CCDC39: variants seen among roughly 807,000 people sequenced by gnomAD.
CCDC39 encodes coiled-coil domain 39 molecular ruler complex subunit, also known as coiled-coil domain-containing protein 39.
CCDC39 carries 113 observed loss-of-function variants against 121.0 expected under a neutral mutation model. That is an observed-to-expected ratio of 0.93 (90% confidence interval 0.80 to 1.09). The LOEUF is 1.09. Ranked by LOEUF, CCDC39 falls within the 50% of genes least tolerant of loss-of-function variation. The pLI, the probability that CCDC39 is intolerant of heterozygous loss-of-function variation, is 0.00. For synonymous variants in CCDC39, 349 were observed against 352.2 expected (o/e 0.99, Z 0.10); for missense variants, 1,063 against 1,074.7 (o/e 0.99, Z 0.15).
rs1198137880 is a variant in CCDC39 at position 180,661,984 on chromosome 3, A to C, written c.234T>G (p.Arg78=). ...ITQSLCKARE[R]ETESEEHFKA... The stretch of plus-strand genomic sequence containing the variant: ...TAAAATGTTCTTCACTTTCAGTCTC[A>C]CGCTCCCTTGCTTTGCAAAGAGACT... Residue 78 remains arginine (R), a synonymous_variant, in exon 3 of 20, where the codon CGT becomes CGG. Coordinates refer to ENST00000476379, the MANE Select transcript of CCDC39 (RefSeq NM_181426.2). 5 of 1,553,350 alleles carry C rather than the reference A, an allele frequency of 3.2e-6. No homozygotes were observed. In the African/African-American group the frequency reaches 6.8e-5, roughly 21 times the overall value.
intron 7 of CCDC39, among the ~76,000 whole-genome samples, chr3:180,652,852 T>C (rs537113669): frequency 7.4e-4 from 112 of 152,246 alleles, no homozygotes; most frequent in African/African-American, 2.5e-3. Flanking sequence ...TTACATTCTA[T>C]ACACTTACAA....
chr3:180,663,179 A>T (rs529551484), intron 2 of CCDC39, among the ~76,000 whole-genome samples: 4 of 152,300 alleles, frequency 2.6e-5, no homozygotes, highest in African/African-American at 9.6e-5. Flanking sequence ...ATTCTTGAAC[A>T]ATGCTAAGAT....
rs748172583 is a variant in CCDC39 at position 180,659,498 on chromosome 3, A to G, written c.692T>C (p.Ile231Thr). The G allele has an allele frequency of 1.9e-6, 3 of 1,613,390 alleles. No individual in the cohort carries two copies. The highest frequency in any genetic ancestry group is 1.7e-5 in the Admixed American group (1 of 59,990). Residue 231 changes from isoleucine to threonine, a missense_variant, in exon 6 of 20, where the codon ATA becomes ACA. Transcript: ENST00000476379. Reference protein sequence around the residue: ...QELIKQWENTIEQMQKRDGDI... With the variant: ...QELIKQWENTTEQMQKRDGDI... ...TCCATCCCTCTTCTGCATCTGTTCT[A>G]TTGTGTTCTCCCATTGTTTAATGAG...
At chr3:180,627,075 TG>T (rs1377973189) in intron 14 of CCDC39, among the ~76,000 whole-genome samples, 4 of 152,166 alleles carry the variant, frequency 2.6e-5, no homozygotes, top group Admixed American at 6.5e-5. Context: ...GTGATTTACA[TG>T]GGTAGGAAGC....
chr3:180,629,710 A>G (rs1270830369), intron 14 of CCDC39, among the ~76,000 whole-genome samples: 2 of 152,224 alleles, frequency 1.3e-5, no homozygotes, highest in African/African-American at 4.8e-5. Context: ...AACAACAACA[A>G]AAAATGGGAA....
At chr3:180,664,696 A>ATTT (rs1711828995) in intron 1 of CCDC39, among the ~76,000 whole-genome samples, 1 of 147,722 alleles carries the variant, frequency 6.8e-6, no homozygotes. Context: ...ACCACAAGAG[A>ATTT]TCTTTTTTTT....
At chr3:180,671,868 C>T (rs1228090631) in intron 1 of CCDC39, among the ~76,000 whole-genome samples, 1 of 152,168 alleles carries the variant, frequency 6.6e-6, no homozygotes, top group African/African-American at 2.4e-5. Flanking sequence ...CTCCACAACA[C>T]AAAAGTACAA....
At chr3:180,617,293 T>C in intron 16 of CCDC39, 3 of 477,990 alleles carry the variant, frequency 6.3e-6, no homozygotes, top group Non-Finnish European at 1.1e-5. Context: ...CATACAATTA[T>C]GTACAGTGCA....
In CCDC39 at chr3:180,659,573, A is replaced by G; in HGVS notation, c.617T>C (p.Leu206Ser). Residue 206 changes from leucine (L) to serine (S), a missense_variant, in exon 6 of 20, where the codon TTG becomes TCG. Leu to Ser is a moderately radical substitution (Grantham distance 145, BLOSUM62 -2). Transcript: ENST00000476379. ...LTETISAQLE[L>S]DKAAQDFRKI... is the part of the protein sequence containing the mutation. ...ACGAAAATCTTGTGCTGCTTTATCCAATTCTAACTGTCAAACAGAGAGCAA... is the reference window on the plus strand; with the variant it reads ...ACGAAAATCTTGTGCTGCTTTATCCGATTCTAACTGTCAAACAGAGAGCAA... 6.2e-7 allele frequency: 1 copy of G among 1,612,070 alleles called. No individual in the cohort carries two copies. The highest frequency in any genetic ancestry group is 1.1e-5 in the South Asian group (1 of 90,606).
chr3:180,654,158 T>A (rs1711526694), intron 7 of CCDC39, among the ~76,000 whole-genome samples: 1 of 108,786 alleles, frequency 9.2e-6, no homozygotes, highest in African/African-American at 3.6e-5. Flanking sequence ...GTGTCAAGAA[T>A]ACACAATGGG....
intron 16 of CCDC39, among the ~76,000 whole-genome samples, chr3:180,618,035 G>GT (rs1717313472): frequency 6.6e-6 from 1 of 151,988 alleles, no homozygotes; most frequent in African/African-American, 2.4e-5. Context: ...GTTTAGATTT[G>GT]TTTAGATACA....
chr3:180,633,785 A>G (rs769135426), intron 13 of CCDC39, among the ~76,000 whole-genome samples: 2 of 152,164 alleles, frequency 1.3e-5, no homozygotes, highest in Non-Finnish European at 2.9e-5. Flanking sequence ...AAAATAGACC[A>G]TACAGAAAGG....
chr3:180,639,618 G>C (rs1717908308), intron 13 of CCDC39, among the ~76,000 whole-genome samples: 1 of 152,038 alleles, frequency 6.6e-6, no homozygotes, highest in African/African-American at 2.4e-5. Flanking sequence ...GGACTTTGGG[G>C]ACTTGTGGGG....
intron 10 of CCDC39, among the ~76,000 whole-genome samples, chr3:180,647,545 T>C (rs1394919864): frequency 6.6e-6 from 1 of 152,144 alleles, no homozygotes; most frequent in Non-Finnish European, 1.5e-5. Flanking sequence ...TGGATTTACA[T>C]GAATTTGGAT....
At chr3:180,664,403 A>C (rs538187554) in intron 1 of CCDC39, among the ~76,000 whole-genome samples, 2 of 152,316 alleles carry the variant, frequency 1.3e-5, no homozygotes, top group Non-Finnish European at 2.9e-5. Context: ...CATCACATTG[A>C]GGATTGAGAC....
chr3:180,628,178 A>G (rs1314889844), intron 14 of CCDC39, among the ~76,000 whole-genome samples: 1 of 152,198 alleles, frequency 6.6e-6, no homozygotes. Flanking sequence ...CAACACCTTC[A>G]TCTTGGACTT....
chr3:180,620,855 A>G (rs905965684), intron 14 of CCDC39, among the ~76,000 whole-genome samples: 2 of 152,028 alleles, frequency 1.3e-5, no homozygotes, highest in Admixed American at 6.6e-5. Flanking sequence ...TGTACTACCT[A>G]TCATTGGAAT....
Position 180,614,929 on chromosome 3 carries a change from T to C in CCDC39, c.2818A>G (p.Ser940Gly). The C allele has an allele frequency of 6.4e-7, 1 of 1,560,710 alleles. No homozygotes were observed. Among genetic ancestry groups the C allele is most frequent in the South Asian group, 1.2e-5 (1 of 84,336 alleles). The change falls in exon 20 of 20, where the codon AGC becomes GGC. Residue 940 changes from serine (S) to glycine (G), a missense_variant. Physicochemically the swap from Ser to Gly is moderately conservative, Grantham distance 56. Coordinates refer to ENST00000476379, the MANE Select transcript of CCDC39 (RefSeq NM_181426.2). ...AGAAGAGATTAAAATGTTTATTTGC[T>C]GCTCTTTTTGCTCTTAACATTACTA... ...SSSNVKSKKS[S>G]K
chr3:180,662,218 T>C (rs1486668286), intron 2 of CCDC39, among the ~76,000 whole-genome samples: 1 of 152,126 alleles, frequency 6.6e-6, no homozygotes, highest in Non-Finnish European at 1.5e-5. Context: ...GTCAATGAAC[T>C]GTGCTAGGAG....
Sources: gnomAD v4.1 joint callset for allele counts (sites outside exome capture counted in the v4.1 genomes callset) on GRCh38, gnomAD v4.1.1 for gene constraint, MANE v1.5 for transcripts, NCBI Gene and HGNC (gene_info 2026-07-23, HGNC 2026-07-21) for gene names.